Variants in CCND3 observed in about 807,000 individuals in gnomAD.
The protein encoded by CCND3 is G1/S-specific cyclin-D3.
In CCND3, 9 loss-of-function variants were observed where a neutral mutation model predicts 28.7. The ratio of observed to expected loss-of-function variants is 0.31; its 90% CI spans 0.19 to 0.55. The LOEUF (loss-of-function observed/expected upper bound fraction) is 0.55, where lower values mean the gene tolerates loss of function less well. Ranked by LOEUF, CCND3 falls within the 20% of genes least tolerant of loss-of-function variation. CCND3 has a pLI of 0.93. For synonymous variants in CCND3, 164 were observed against 163.9 expected (o/e 1.00, Z 0.00); for missense variants, 315 against 385.8 (o/e 0.82, Z 1.54).
upstream of CCND3, among the ~76,000 whole-genome samples, chr6:41,942,752 C>A (rs375862277): frequency 6.6e-6 from 1 of 152,070 alleles, no homozygotes; most frequent in African/African-American, 2.4e-5. Flanking sequence ...GACGAAGAGG[C>A]CGAAAAAGAC....
chr6:42,049,506 G>A (rs1356517070), upstream of CCND3: 1 of 152,272 alleles, frequency 6.6e-6, no homozygotes, highest in Non-Finnish European at 1.5e-5. Flanking sequence ...CAGAATCTGC[G>A]TCCTGCCAGG....
rs140130513 is a variant in CCND3, at chr6:41,992,539, C to T, written c.-45-51954G>A. On this transcript the variant is annotated intron_variant, in intron 1 of 4. Coordinates refer to the CCND3 transcript ENST00000372988. ...CAGTGGCTCACTGCAACCTCCACCT[C>T]CCGGGTTCAGACAATTCTCCTGCCT... is the stretch of plus-strand genomic sequence containing the variant. Among the ~76,000 whole-genome samples the T allele has an allele frequency of 8.6e-3, 1,291 of 150,470 alleles. 20 individuals carry two copies. Among genetic ancestry groups the T allele is most frequent in the African/African-American group, 0.029 (1,170 of 40,854 alleles).
intron 1 of CCND3, among the ~76,000 whole-genome samples, chr6:41,992,695 T>C (rs867059732): frequency 5.3e-5 from 8 of 151,340 alleles, no homozygotes; most frequent in East Asian, 3.9e-4. Flanking sequence ...GATACACTGG[T>C]CTCGGCCTCC....
At chr6:41,940,347 G>A in intron 2 of CCND3, 23 bp downstream of exon 2, 1 of 1,579,150 alleles carries the variant, frequency 6.3e-7, no homozygotes, top group Non-Finnish European at 8.7e-7. Context: ...ACGTGTCGGG[G>A]GTGGGGGGAG....
chr6:41,997,772 A>C (rs930204003), intron 1 of CCND3, among the ~76,000 whole-genome samples: 1 of 151,922 alleles, frequency 6.6e-6, no homozygotes, highest in Non-Finnish European at 1.5e-5. Flanking sequence ...CTTCACCACC[A>C]CCCAGAAGAG....
At chr6:42,034,724 C>T (rs543144526) in intron 1 of CCND3, among the ~76,000 whole-genome samples, 30 of 152,004 alleles carry the variant, frequency 2.0e-4, no homozygotes, top group Admixed American at 1.6e-3. Context: ...GTGATCCGGC[C>T]GCCTCGGCCT....
chr6:42,044,782 C>CA (rs1387911541), intron 1 of CCND3, among the ~76,000 whole-genome samples: 2,181 of 62,384 alleles, frequency 0.035, 44 homozygotes, highest in African/African-American at 0.096. Context: ...TCTTTCTTTC[C>CA]TTTTATTTAT....
intron 1 of CCND3, among the ~76,000 whole-genome samples, chr6:41,959,146 C>G (rs979567312): frequency 6.6e-6 from 1 of 151,572 alleles, no homozygotes; most frequent in African/African-American, 2.4e-5. Context: ...GAAACCCCAT[C>G]TCTACTAAAA....
intron 1 of CCND3, among the ~76,000 whole-genome samples, chr6:41,972,240 A>AAAAAAAAAGAAAAGAAAAG (rs1554162050): frequency 5.0e-5 from 5 of 99,738 alleles, no homozygotes; most frequent in Non-Finnish European, 9.8e-5. Context: ...AAAAAAAAAA[A>AAAAAAAAAGAAAAGAAAAG]AAAAGAAAAG....
chr6:41,951,596 A>G (rs1332306097), intron 1 of CCND3, among the ~76,000 whole-genome samples: 7 of 143,238 alleles, frequency 4.9e-5, no homozygotes, highest in Non-Finnish European at 6.1e-5. Flanking sequence ...ATTAAGTGGG[A>G]GTAAGAAGAG....
At chr6:42,049,508 C>T (rs2127444934), upstream of CCND3, 2 of 152,406 alleles carry the variant, frequency 1.3e-5, no homozygotes, top group South Asian at 4.1e-4. Context: ...GAATCTGCGT[C>T]CTGCCAGGCA....
chr6:41,935,621 G>T lies in CCND3; in HGVS notation c.*319C>A, dbSNP rs942819722. The T allele has an allele frequency of 8.5e-6, 4 of 470,780 alleles. No individual in the cohort carries two copies. Among genetic ancestry groups the T allele is most frequent in the Non-Finnish European group, 1.5e-5 (4 of 263,328 alleles). 29.2% of individuals were successfully genotyped at this position (470,780 alleles called of 1,614,324 possible). A position where few individuals can be genotyped will look rare whatever the true frequency, so the allele number is the denominator to read the frequency against. On this transcript the variant is annotated 3_prime_UTR_variant, in exon 5 of 5. Transcript: ENST00000372991. ...AAACATGAGAGCCCCCAGGGGTGGG[G>T]GGGGGCGTTCAAAAGGAATGCTGGT...
In CCND3 at chr6:41,935,034, G is replaced by A. The variant is rs1775721417; in HGVS notation, c.*906C>T. On this transcript the variant is annotated 3_prime_UTR_variant, in exon 5 of 5. Transcript: ENST00000372991. ...AACCTTGCAGCCTTAGGAAAGACCT[G>A]TGTCAACAGGGCTTGCCTCCCTCTC... The A allele has an allele frequency of 4.3e-6, 1 of 232,974 alleles. No homozygotes were observed. Among genetic ancestry groups the A allele is most frequent in the African/African-American group, 2.2e-5 (1 of 45,328 alleles). The allele number at this position is 232,974 out of a possible 1,614,324, so 14.4% of individuals were successfully genotyped here.
intron 2 of CCND3, among the ~76,000 whole-genome samples, 157 bp downstream of exon 2, chr6:41,940,213 T>A (rs551542776): frequency 3.9e-5 from 6 of 152,320 alleles, no homozygotes; most frequent in African/African-American, 1.2e-4. Flanking sequence ...CACACCACAA[T>A]GCCCCATCGT....
chr6:41,953,269 A>C (rs1223518725), intron 1 of CCND3, among the ~76,000 whole-genome samples: 4 of 146,096 alleles, frequency 2.7e-5, no homozygotes, highest in Middle Eastern at 3.3e-3. Context: ...CCTCTCACAA[A>C]AAAAAAAAAA....
At chr6:42,046,742 A>G (rs143169349) in intron 1 of CCND3, among the ~76,000 whole-genome samples, 4 of 152,276 alleles carry the variant, frequency 2.6e-5, no homozygotes, top group Non-Finnish European at 4.4e-5. Context: ...CTCACTGTAA[A>G]CAGTACCAGC....
chr6:41,969,015 C>T (rs1404048815), intron 1 of CCND3, among the ~76,000 whole-genome samples: 1 of 152,000 alleles, frequency 6.6e-6, no homozygotes, highest in African/African-American at 2.4e-5. Flanking sequence ...AGGCTGGTCT[C>T]AAACTCCTGA....
At chr6:41,946,080 G>A (rs1486910178), upstream of CCND3, among the ~76,000 whole-genome samples, 1 of 152,112 alleles carries the variant, frequency 6.6e-6, no homozygotes, top group Non-Finnish European at 1.5e-5. Context: ...AGGGCCTGGA[G>A]CCACACCCCT....
Position 41,940,604 on chromosome 6 carries a change from T to C in CCND3, c.199-19A>G. 7.0e-7 allele frequency: 1 copy of C among 1,436,626 alleles called. No individual in the cohort carries two copies. Among genetic ancestry groups the C allele is most frequent in the Non-Finnish European group, 9.4e-7 (1 of 1,060,680 alleles). The allele number at this position is 1,436,626 out of a possible 1,614,324, so 89.0% of individuals were successfully genotyped here. ...CACATACCTGGGGGAGGGCGCACAG[T>C]CACTGCTGGGTCTGGAGCGTGGGGA... On this transcript the variant is annotated intron_variant, in intron 1 of 4. Coordinates refer to ENST00000372991, the MANE Select transcript of CCND3 (RefSeq NM_001760.5).
Sources: gnomAD v4.1 joint callset for allele counts (sites outside exome capture counted in the v4.1 genomes callset) on GRCh38, gnomAD v4.1.1 for gene constraint, MANE v1.5 for transcripts, NCBI Gene and HGNC (gene_info 2026-07-23, HGNC 2026-07-21) for gene names.